Variants in GABRA4 observed in about 807,000 individuals in gnomAD.
GABRA4 encodes the protein gamma-aminobutyric acid receptor subunit alpha-4.
GABRA4 carries 12 observed loss-of-function variants against 49.7 expected under a neutral mutation model. The ratio of observed to expected loss-of-function variants is 0.24; its 90% CI spans 0.15 to 0.39. The LOEUF is 0.39. Ranked by LOEUF, GABRA4 falls within the 10% of genes least tolerant of loss-of-function variation. The pLI is 1.00. For missense variants in GABRA4, 506 were observed against 686.0 expected, an observed-to-expected ratio of 0.74 and a Z score of 2.93; for synonymous variants, 288 against 240.2, an observed-to-expected ratio of 1.20 and a Z score of -1.84.
In GABRA4 at chr4:46,926,429, T is replaced by C. The variant is rs190398003; in HGVS notation, c.*1796A>G. 3 of 152,052 alleles carry C rather than the reference T, an allele frequency of 2.0e-5. No homozygotes were observed. Among genetic ancestry groups the C allele is most frequent in the Admixed American group, 6.6e-5 (1 of 15,242 alleles). The allele number at this position is 152,052 out of a possible 1,614,324, so 9.4% of individuals were successfully genotyped here. Reference sequence around the variant, plus strand: ...AAATGTGTTGATTCTATGGAATACCTAGAAAGACAGCCAAGAATGATTTCT... The same window carrying C: ...AAATGTGTTGATTCTATGGAATACCCAGAAAGACAGCCAAGAATGATTTCT... On this transcript the variant is annotated 3_prime_UTR_variant, in exon 9 of 9. Transcript: ENST00000264318.
intron 8 of GABRA4, among the ~76,000 whole-genome samples, chr4:46,964,543 A>G (rs890721083): frequency 4.0e-5 from 6 of 151,818 alleles, no homozygotes; most frequent in Admixed American, 6.6e-5. Flanking sequence ...ATATGCATCT[A>G]TTATGTAGTC....
Position 46,923,123 on chromosome 4 carries a change from T to C in GABRA4, c.*5102A>G, listed in dbSNP as rs1043809260. On this transcript the variant is annotated 3_prime_UTR_variant, in exon 9 of 9. Coordinates refer to ENST00000264318, the MANE Select transcript of GABRA4 (RefSeq NM_000809.4). ...TCACCCGTGCCTGTTGCCAAAACAG[T>C]TGGGGACTATTGTATAGAGACAAAA... The C allele has an allele frequency of 2.0e-5, 3 of 151,908 alleles. No homozygotes were observed. Among genetic ancestry groups the C allele is most frequent in the Non-Finnish European group, 4.4e-5 (3 of 67,984 alleles). 9.4% of individuals were successfully genotyped at this position (151,908 alleles called of 1,614,324 possible).
intron 6 of GABRA4, among the ~76,000 whole-genome samples, chr4:46,973,393 A>C (rs895758204): frequency 1.3e-5 from 2 of 151,720 alleles, no homozygotes; most frequent in African/African-American, 4.8e-5. Flanking sequence ...GTGAGGACTT[A>C]TTCATAGAAG....
rs780480133 is a variant in GABRA4 at position 46,928,513 on chromosome 4, G to A, written c.1377C>T (p.Ile459=). 1.2e-6 allele frequency: 2 copies of A among 1,613,636 alleles called. No homozygotes were observed. The highest frequency in any genetic ancestry group is 1.7e-5 in the Admixed American group (1 of 59,906). Residue 459 remains isoleucine, a synonymous_variant, in exon 9 of 9, where the codon ATC becomes ATT. Transcript: ENST00000264318. ...RALPSASPTS[I]RTGYMPRKAS... ...CCTTTCGAGGCATATATCCAGTTCGGATAGAAGTAGGAGAAGCAGATGGAA... is the reference window on the plus strand; with the variant it reads ...CCTTTCGAGGCATATATCCAGTTCGAATAGAAGTAGGAGAAGCAGATGGAA...
intron 8 of GABRA4, among the ~76,000 whole-genome samples, chr4:46,941,422 A>T (rs1721785698): frequency 6.6e-6 from 1 of 152,086 alleles, no homozygotes; most frequent in African/African-American, 2.4e-5. Context: ...GAATAATAAC[A>T]ATAACTACTA....
Position 46,928,639 on chromosome 4 carries a change from A to G in GABRA4, c.1251T>C (p.Val417=), listed in dbSNP as rs770930380. The part of the protein sequence containing the change: ...GNHSSKSSTV[V]QESSKGTPRS... ...GAGGTGTGCCTTTAGAAGATTCTTG[A>G]ACAACTGTGGAAGATTTGCTTGAAT... The change falls in exon 9 of 9, where the codon GTT becomes GTC. Residue 417 remains valine (V), a synonymous_variant. Coordinates refer to ENST00000264318, the MANE Select transcript of GABRA4 (RefSeq NM_000809.4). 2.5e-6 allele frequency: 4 copies of G among 1,613,714 alleles called. No homozygotes were observed. The East Asian group carries it at 6.7e-5, about 27-fold the overall frequency.
intron 5 of GABRA4, among the ~76,000 whole-genome samples, chr4:46,976,521 A>T (rs1195103079): frequency 6.6e-6 from 1 of 151,470 alleles, no homozygotes. Context: ...CACCCCTACC[A>T]TGCTTTTGCC....
chr4:46,943,034 A>G (rs1721870982), intron 8 of GABRA4, among the ~76,000 whole-genome samples: 2 of 152,046 alleles, frequency 1.3e-5, no homozygotes, highest in African/African-American at 4.8e-5. Context: ...TATTCATTCA[A>G]TTCTTCAGAT....
At chr4:46,962,315 T>C (rs1272857736) in intron 8 of GABRA4, among the ~76,000 whole-genome samples, 1 of 151,796 alleles carries the variant, frequency 6.6e-6, no homozygotes, top group Admixed American at 6.6e-5. Flanking sequence ...ATGTCAATAG[T>C]TAACAATCTG....
chr4:46,977,735 C>G, intron 3 of GABRA4, 105 bp from the exon 4 acceptor site: 1 of 716,508 alleles, frequency 1.4e-6, no homozygotes, highest in Non-Finnish European at 2.3e-6. Context: ...TAAAAAAATA[C>G]CACTCCAAAT....
chr4:46,970,865 C>G (rs951034489), intron 7 of GABRA4, among the ~76,000 whole-genome samples: 1 of 151,506 alleles, frequency 6.6e-6, no homozygotes, highest in Non-Finnish European at 1.5e-5. Context: ...TGGTTCTCAA[C>G]AAGGGAAATC....
chr4:46,946,488 T>C, intron 8 of GABRA4, among the ~76,000 whole-genome samples: 1 of 152,118 alleles, frequency 6.6e-6, no homozygotes. Flanking sequence ...TTGTGTCCCA[T>C]CAAGTATTGT....
At position 46,925,693 on chromosome 4, in the gene GABRA4, C is replaced by T. The variant is rs2109931364; in HGVS notation, c.*2532G>A. On this transcript the variant is annotated 3_prime_UTR_variant, in exon 9 of 9. Coordinates refer to ENST00000264318, the MANE Select transcript of GABRA4 (RefSeq NM_000809.4). ...ATCACTGAATGAATTTGATGAAATT[C>T]AGTTAAGGAAAGCAAACAACATATT... 1 of 148,672 alleles carries T rather than the reference C, an allele frequency of 6.7e-6. No individual in the cohort carries two copies. Among genetic ancestry groups the T allele is most frequent in the South Asian group, 2.1e-4 (1 of 4,750 alleles). 9.2% of individuals were successfully genotyped at this position (148,672 alleles called of 1,614,324 possible).
At chr4:46,938,252 C>T (rs534026517) in intron 8 of GABRA4, among the ~76,000 whole-genome samples, 1 of 152,014 alleles carries the variant, frequency 6.6e-6, no homozygotes, top group Admixed American at 6.6e-5. Context: ...CAAACTCAGA[C>T]AATATTTGCA....
intron 8 of GABRA4, among the ~76,000 whole-genome samples, chr4:46,939,498 C>T (rs1362957164): frequency 6.6e-6 from 1 of 151,956 alleles, no homozygotes; most frequent in Non-Finnish European, 1.5e-5. Flanking sequence ...TTGAGCACCT[C>T]TCTCTCCCAG....
At chr4:46,946,729 TA>T (rs1157157338) in intron 8 of GABRA4, among the ~76,000 whole-genome samples, 1 of 152,126 alleles carries the variant, frequency 6.6e-6, no homozygotes, top group Non-Finnish European at 1.5e-5. Context: ...GTTGAATGAA[TA>T]GATAAATAAA....
rs1721748594 is a variant in GABRA4, at chr4:46,940,374, C to T, written c.1135-11619G>A. On this transcript the variant is annotated intron_variant, in intron 8 of 8. Transcript: ENST00000264318. ...TCTTGTTTCTGATTTGAGAATGATTCTTCAATCACTCTCAAAATTTTCTAC... is the reference window on the plus strand; with the variant it reads ...TCTTGTTTCTGATTTGAGAATGATTTTTCAATCACTCTCAAAATTTTCTAC... Among the ~76,000 whole-genome samples, 3 of 151,594 alleles carry T rather than the reference C, an allele frequency of 2.0e-5. No homozygotes were observed. The South Asian group carries it at 6.2e-4, about 32-fold the overall frequency.
intron 2 of GABRA4, among the ~76,000 whole-genome samples, chr4:46,984,931 A>G (rs1723481569): frequency 1.3e-5 from 2 of 152,130 alleles, no homozygotes; most frequent in South Asian, 4.1e-4. Flanking sequence ...CCATTTCTTG[A>G]TATATATGCA....
chr4:46,956,087 C>T lies in GABRA4; in HGVS notation c.1134+8883G>A, dbSNP rs567050760. 1.2e-4 allele frequency among the ~76,000 whole-genome samples: 19 copies of T among 152,146 alleles called. 1 individual carries two copies. Among genetic ancestry groups the T allele is most frequent in the Admixed American group, 9.2e-4 (14 of 15,254 alleles). ...ACATAGTTAGTTCTAATATATTGGG[C>T]ACTTAAAACATACAATTTAGTAATT... On this transcript the variant is annotated intron_variant, in intron 8 of 8. Coordinates refer to ENST00000264318, the MANE Select transcript of GABRA4 (RefSeq NM_000809.4).
Sources: allele counts gnomAD v4.1 joint callset (sites outside exome capture counted in the v4.1 genomes callset), GRCh38; gene constraint gnomAD v4.1.1; transcripts MANE v1.5; gene names NCBI Gene and HGNC (gene_info 2026-07-23, HGNC 2026-07-21).